Variants in PLXNA4 observed in about 807,000 individuals in gnomAD.
PLXNA4 encodes the protein plexin-A4.
A neutral mutation model predicts 191.8 loss-of-function variants in PLXNA4; 44 were observed. That is an observed-to-expected ratio of 0.23 (90% CI 0.18 to 0.29). The LOEUF is 0.29. PLXNA4 is among the 10% of genes least tolerant of loss of function. The pLI, the probability that PLXNA4 is intolerant of heterozygous loss-of-function variation, is 1.00. For missense variants in PLXNA4, 1,800 were observed against 2,488.8 expected, an observed-to-expected ratio of 0.72 and a Z score of 5.89; for synonymous variants, 1,082 against 1,009.5, an observed-to-expected ratio of 1.07 and a Z score of -1.36.
chr7:132,330,666 T>C (rs1052568087), intron 3 of PLXNA4, among the ~76,000 whole-genome samples: 2 of 152,098 alleles, frequency 1.3e-5, no homozygotes, highest in African/African-American at 4.8e-5. Flanking sequence ...CTTAGGGAAA[T>C]GACATGGCTG....
intron 3 of PLXNA4, among the ~76,000 whole-genome samples, chr7:132,324,013 T>C (rs1197931091): frequency 6.6e-6 from 1 of 152,146 alleles, no homozygotes; most frequent in Non-Finnish European, 1.5e-5. Flanking sequence ...TAGGCAGGGA[T>C]CATCAGAGAC....
At chr7:132,451,936 G>T (rs1462638422) in intron 3 of PLXNA4, among the ~76,000 whole-genome samples, 3 of 152,186 alleles carry the variant, frequency 2.0e-5, no homozygotes, top group African/African-American at 4.8e-5. Flanking sequence ...CCTTCAGTCT[G>T]TCTGGAAGCT....
chr7:132,642,080 A>C (rs1362889861), intron 2 of PLXNA4, among the ~76,000 whole-genome samples: 2 of 152,192 alleles, frequency 1.3e-5, no homozygotes, highest in African/African-American at 4.8e-5. Flanking sequence ...TATAATATAT[A>C]AGCAAATTGC....
At chr7:132,348,669 G>A (rs1469192977) in intron 3 of PLXNA4, among the ~76,000 whole-genome samples, 1 of 152,184 alleles carries the variant, frequency 6.6e-6, no homozygotes, top group East Asian at 1.9e-4. Flanking sequence ...TAATCAATAG[G>A]AAGCAAAGTA....
At chr7:132,615,403 G>A (rs962347143) in intron 2 of PLXNA4, among the ~76,000 whole-genome samples, 3 of 152,202 alleles carry the variant, frequency 2.0e-5, no homozygotes, top group African/African-American at 7.2e-5. Flanking sequence ...CCCCGCCCCT[G>A]GCGGAGGGGA....
intron 13 of PLXNA4, among the ~76,000 whole-genome samples, chr7:132,195,619 C>T (rs987977122): frequency 3.3e-5 from 5 of 152,046 alleles, no homozygotes; most frequent in African/African-American, 9.7e-5. Flanking sequence ...AAGGTTTTTC[C>T]AATATAATGG....
intron 21 of PLXNA4, among the ~76,000 whole-genome samples, chr7:132,172,062 A>G (rs1347655126): frequency 6.6e-6 from 1 of 152,010 alleles, no homozygotes; most frequent in Non-Finnish European, 1.5e-5. Flanking sequence ...TCCCCACTTT[A>G]TGAAGGAAGG....
intron 2 of PLXNA4, among the ~76,000 whole-genome samples, chr7:132,626,693 T>G (rs1803382138): frequency 6.6e-6 from 1 of 152,158 alleles, no homozygotes; most frequent in Non-Finnish European, 1.5e-5. Flanking sequence ...TTAAACCTCT[T>G]TTTTTTAATA....
Position 132,223,660 on chromosome 7 carries a change from A to C in PLXNA4, c.1983-19T>G, listed in dbSNP as rs2116957628. 6.2e-7 allele frequency: 1 copy of C among 1,602,422 alleles called. No individual in the cohort carries two copies. Among genetic ancestry groups the C allele is most frequent in the Non-Finnish European group, 8.5e-7 (1 of 1,171,670 alleles). On this transcript the variant is annotated intron_variant, in intron 8 of 31. Transcript: ENST00000321063. Reference sequence around the variant, plus strand: ...CAGGCACCTGGGCACAGGGGAAGGGAGGCACAAATCTAAGAACCTGGATGA... The same window carrying C: ...CAGGCACCTGGGCACAGGGGAAGGGCGGCACAAATCTAAGAACCTGGATGA...
At chr7:132,487,448 A>G (rs541800594) in intron 3 of PLXNA4, among the ~76,000 whole-genome samples, 36 of 152,340 alleles carry the variant, frequency 2.4e-4, no homozygotes, top group African/African-American at 7.9e-4. Context: ...AATTGTACAC[A>G]GTAATGCCCC....
chr7:132,137,152 G>A (rs990344627), intron 30 of PLXNA4, among the ~76,000 whole-genome samples: 1 of 152,240 alleles, frequency 6.6e-6, no homozygotes, highest in African/African-American at 2.4e-5. Flanking sequence ...CCCAGGGTAA[G>A]CTGTCACCAT....
intron 3 of PLXNA4, among the ~76,000 whole-genome samples, chr7:132,398,855 C>T (rs78921705): frequency 0.014 from 2,100 of 152,234 alleles, 52 homozygotes; most frequent in African/African-American, 0.048. Flanking sequence ...TGCCAAGTGT[C>T]ACTTTGAAAG....
chr7:132,204,374 AC>A (rs1797543235), intron 10 of PLXNA4, among the ~76,000 whole-genome samples: 1 of 152,058 alleles, frequency 6.6e-6, no homozygotes, highest in East Asian at 1.9e-4. Context: ...GCAATTTCCA[AC>A]CCCTACCTGG....
intron 3 of PLXNA4, among the ~76,000 whole-genome samples, chr7:132,442,908 A>AGGCT (rs1795749363): frequency 6.6e-6 from 1 of 152,236 alleles, no homozygotes; most frequent in Admixed American, 6.5e-5. Flanking sequence ...ACAGTGCCCA[A>AGGCT]GGCTGGCTGG....
At chr7:132,626,927 A>G (rs1439563624) in intron 2 of PLXNA4, among the ~76,000 whole-genome samples, 1 of 152,156 alleles carries the variant, frequency 6.6e-6, no homozygotes, top group Non-Finnish European at 1.5e-5. Context: ...TTCCTTTCAC[A>G]GATGTTGATC....
intron 3 of PLXNA4, among the ~76,000 whole-genome samples, chr7:132,349,766 C>T (rs1388392969): frequency 2.0e-5 from 3 of 152,132 alleles, no homozygotes; most frequent in Non-Finnish European, 4.4e-5. Context: ...CTTTTCACCC[C>T]TTGCTGCTTC....
At chr7:132,192,916 A>G (rs1797137177) in intron 14 of PLXNA4, among the ~76,000 whole-genome samples, 1 of 152,006 alleles carries the variant, frequency 6.6e-6, no homozygotes, top group Non-Finnish European at 1.5e-5. Context: ...AGATCCTCAG[A>G]AAGGCCATGG....
At chr7:132,506,930 T>G (rs1798486716) in intron 2 of PLXNA4, among the ~76,000 whole-genome samples, 2 of 152,224 alleles carry the variant, frequency 1.3e-5, no homozygotes, top group African/African-American at 4.8e-5. Context: ...GCTTTCTCTA[T>G]GTGTTCACTG....
At chr7:132,305,330 C>A (rs1801470549) in intron 3 of PLXNA4, among the ~76,000 whole-genome samples, 1 of 151,218 alleles carries the variant, frequency 6.6e-6, no homozygotes, top group Admixed American at 6.6e-5. Context: ...GTGTGCACTG[C>A]ACTACTCCAC....
Sources: allele counts gnomAD v4.1 joint callset (sites outside exome capture counted in the v4.1 genomes callset), GRCh38; gene constraint gnomAD v4.1.1; transcripts MANE v1.5; gene names NCBI Gene and HGNC (gene_info 2026-07-23, HGNC 2026-07-21).